The following VPS13C variants were observed in gnomAD, a reference collection of about 807,000 sequenced individuals.
VPS13C encodes the protein intermembrane lipid transfer protein VPS13C.
Under a neutral mutation model 456.8 loss-of-function variants are expected in VPS13C, and 358 were observed. That is an observed-to-expected ratio of 0.78 (90% confidence interval 0.72 to 0.86). The LOEUF is 0.86. Ranked by LOEUF, VPS13C falls within the 40% of genes least tolerant of loss-of-function variation. VPS13C has a pLI of 0.00. For missense variants in VPS13C, 4,818 were observed against 4,385.4 expected (o/e 1.10, Z -2.79); for synonymous variants, 1,578 against 1,486.7 (o/e 1.06, Z -1.41).
Position 61,917,634 on chromosome 15 carries a change from A to G in VPS13C, c.7762T>C (p.Cys2588Arg), listed in dbSNP as rs529255657. The G allele has an allele frequency of 1.2e-6, 2 of 1,608,318 alleles. No individual in the cohort carries two copies. The highest frequency in any genetic ancestry group is 1.3e-5 in the African/African-American group (1 of 74,800). ...EFHVPLDSYR[C>R]QLFIQPAGIL... ...CCAGCTGGCTGGATAAACAATTGACATCTGCAGAAAGAGGAAACAGTGACA... is the reference window on the plus strand; with the variant it reads ...CCAGCTGGCTGGATAAACAATTGACGTCTGCAGAAAGAGGAAACAGTGACA... Residue 2588 changes from cysteine to arginine, a missense_variant and splice_region_variant, in exon 60 of 85, where the codon TGT becomes CGT. Coordinates refer to ENST00000644861, the MANE Select transcript of VPS13C (RefSeq NM_020821.3).
At position 61,868,787 on chromosome 15, in the gene VPS13C, C is replaced by T; in HGVS notation, c.10749-14G>A. 6.2e-7 allele frequency: 1 copy of T among 1,604,364 alleles called. No individual in the cohort carries two copies. The highest frequency in any genetic ancestry group is 8.5e-7 in the Non-Finnish European group (1 of 1,173,322). Reference sequence around the variant, plus strand: ...GATTCTGCTGCCCTGAATAAGGCATCAGAGTAAGTGTAAGAAAATACGTGA... The same window carrying T: ...GATTCTGCTGCCCTGAATAAGGCATTAGAGTAAGTGTAAGAAAATACGTGA... On this transcript the variant is annotated splice_polypyrimidine_tract_variant and intron_variant, in intron 80 of 84. Transcript: ENST00000644861.
At chr15:61,992,136 A>C (rs2046241726) in intron 16 of VPS13C, among the ~76,000 whole-genome samples, 2 of 152,236 alleles carry the variant, frequency 1.3e-5, no homozygotes, top group African/African-American at 4.8e-5. Flanking sequence ...CTGCATGTTT[A>C]TAAAATGAAA....
At position 61,913,308 on chromosome 15, in the gene VPS13C, T is replaced by A; in HGVS notation, c.8550+3A>T. 2 of 1,613,240 alleles carry A rather than the reference T, an allele frequency of 1.2e-6. No homozygotes were observed. On this transcript the variant is annotated splice_donor_region_variant and intron_variant, in intron 62 of 84. Coordinates refer to ENST00000644861, the MANE Select transcript of VPS13C (RefSeq NM_020821.3). The stretch of plus-strand genomic sequence containing the variant: ...AAAGGTAAATAAGGAAGCAGAATCT[T>A]ACCAGGTACTCCATATTGTTGGCAG...
intron 66 of VPS13C, among the ~76,000 whole-genome samples, chr15:61,895,328 C>T (rs963590851): frequency 2.6e-5 from 4 of 151,178 alleles, no homozygotes; most frequent in South Asian, 2.1e-4. Flanking sequence ...TAAACCAAAA[C>T]CAAAATTAGT....
chr15:61,914,789 G>C (rs2043410203), intron 61 of VPS13C, among the ~76,000 whole-genome samples: 1 of 144,572 alleles, frequency 6.9e-6, no homozygotes, highest in Admixed American at 7.3e-5. Context: ...TCAAACTCCT[G>C]ACCTCAGGTG....
intron 66 of VPS13C, among the ~76,000 whole-genome samples, chr15:61,892,318 T>C (rs2042677496): frequency 6.6e-6 from 1 of 152,196 alleles, no homozygotes; most frequent in Non-Finnish European, 1.5e-5. Context: ...GGAGGAACCC[T>C]GGGCAGCCTT....
At chr15:61,915,081 G>GA (rs1032007464) in intron 61 of VPS13C, among the ~76,000 whole-genome samples, 2 of 151,460 alleles carry the variant, frequency 1.3e-5, no homozygotes, top group Non-Finnish European at 2.9e-5. Flanking sequence ...GAAGAAGACA[G>GA]AAAAAAAACA....
intron 49 of VPS13C, among the ~76,000 whole-genome samples, chr15:61,933,837 G>C (rs952151950): frequency 6.6e-6 from 1 of 151,630 alleles, no homozygotes. Context: ...AAAATAATCA[G>C]GTAAGGCTCC....
At chr15:61,942,662 A>G (rs2044469790) in intron 45 of VPS13C, among the ~76,000 whole-genome samples, 1 of 151,910 alleles carries the variant, frequency 6.6e-6, no homozygotes, top group Non-Finnish European at 1.5e-5. Context: ...TCTCAATTTC[A>G]ACTAAAAACA....
intron 62 of VPS13C, among the ~76,000 whole-genome samples, chr15:61,912,806 A>C (rs7174017): frequency 0.55 from 59,475 of 108,784 alleles, 15,995 homozygotes; most frequent in Admixed American, 0.65. Flanking sequence ...CCCCACCCCA[A>C]AACAGTCCCC....
chr15:62,044,871 C>T (rs972994887), intron 1 of VPS13C, among the ~76,000 whole-genome samples: 7 of 152,008 alleles, frequency 4.6e-5, no homozygotes, highest in African/African-American at 1.7e-4. Context: ...TTCATGCTGA[C>T]ATAAAAATGT....
intron 27 of VPS13C, among the ~76,000 whole-genome samples, chr15:61,970,469 T>C (rs1271795182): frequency 6.6e-6 from 1 of 152,186 alleles, no homozygotes; most frequent in Non-Finnish European, 1.5e-5. Flanking sequence ...TAGCAGATGT[T>C]ATAATTACAT....
chr15:61,912,066 C>G (rs2043317793), intron 62 of VPS13C, 62 bp from the exon 63 acceptor site: 17 of 1,341,976 alleles, frequency 1.3e-5, no homozygotes, highest in Middle Eastern at 3.9e-4. Flanking sequence ...ATATACACAT[C>G]CCCTCATTCA....
At chr15:61,886,350 T>G (rs1896270741) in intron 67 of VPS13C, among the ~76,000 whole-genome samples, 1 of 152,172 alleles carries the variant, frequency 6.6e-6, no homozygotes, top group South Asian at 2.1e-4. Context: ...TATATTGCAT[T>G]ACTTCAGCAG....
chr15:61,853,642 C>A lies in VPS13C; in HGVS notation c.*815G>T, dbSNP rs1007688137. ...GTCATTTCTCCCTTTAGTGACCTTT[C>A]TTCATTCAATTACCTGGTTTACCAA... On this transcript the variant is annotated 3_prime_UTR_variant, in exon 85 of 85. Transcript: ENST00000644861. 6.6e-6 allele frequency: 1 copy of A among 152,140 alleles called. No individual in the cohort carries two copies. The highest frequency in any genetic ancestry group is 2.4e-5 in the African/African-American group (1 of 41,420). 9.4% of individuals were successfully genotyped at this position (152,140 alleles called of 1,614,324 possible). A position where few individuals can be genotyped will look rare whatever the true frequency, so the allele number is the denominator to read the frequency against.
intron 18 of VPS13C, among the ~76,000 whole-genome samples, chr15:61,990,645 C>T (rs143495519): frequency 0.019 from 2,888 of 151,984 alleles, 60 homozygotes; most frequent in East Asian, 0.069. Context: ...ACCTCGTCTC[C>T]ACTAAAAACA....
chr15:61,948,056 A>G (rs1170993155), intron 42 of VPS13C, among the ~76,000 whole-genome samples: 3 of 152,290 alleles, frequency 2.0e-5, no homozygotes, highest in Admixed American at 6.5e-5. Flanking sequence ...AAAGCACGGA[A>G]AGTATCTGTC....
chr15:61,978,812 C>T (rs2045788104), intron 22 of VPS13C, 63 bp from the exon 23 acceptor site: 6 of 1,503,962 alleles, frequency 4.0e-6, no homozygotes, highest in South Asian at 1.4e-5. Context: ...CATCAACATA[C>T]TTTAGTTAGG....
intron 12 of VPS13C, 141 bp downstream of exon 12, chr15:62,011,966 C>G: frequency 3.7e-6 from 2 of 538,094 alleles, no homozygotes; most frequent in South Asian, 4.3e-5. Context: ...AAGTTATAAC[C>G]CAAACATGTT....
Sources: gnomAD v4.1 joint callset for allele counts (sites outside exome capture counted in the v4.1 genomes callset) on GRCh38, gnomAD v4.1.1 for gene constraint, MANE v1.5 for transcripts, NCBI Gene and HGNC (gene_info 2026-07-23, HGNC 2026-07-21) for gene names.